MSL2: variants seen among roughly 807,000 people sequenced by gnomAD.
MSL2 encodes MSL complex subunit 2.
MSL2 carries 2 observed loss-of-function variants against 35.8 expected under a neutral mutation model. That is an observed-to-expected ratio of 0.06 (90% CI 0.02 to 0.18). MSL2 has a LOEUF of 0.18. MSL2 is among the 10% of genes least tolerant of loss of function. MSL2 has a pLI of 1.00. For missense variants in MSL2, 523 were observed against 706.7 expected (o/e 0.74, Z 2.95); for synonymous variants, 296 against 255.7 (o/e 1.16, Z -1.50).
chr3:136,175,894 G>A (rs1400854951), intron 1 of MSL2, among the ~76,000 whole-genome samples: 1 of 98,982 alleles, frequency 1.0e-5, no homozygotes, highest in African/African-American at 3.1e-5. Flanking sequence ...TGCTAAGCCT[G>A]CCACTGTGCT....
chr3:136,181,675 T>C lies in MSL2; in HGVS notation c.142+13297A>G, dbSNP rs554586068. Among the ~76,000 whole-genome samples the C allele has an allele frequency of 3.3e-5, 5 of 152,204 alleles. No homozygotes were observed. The East Asian group carries it at 9.7e-4, about 29-fold the overall frequency. On this transcript the variant is annotated intron_variant, in intron 1 of 1. Transcript: ENST00000309993. ...GGTTCACACCTGTAATCTGAGCACTTTGGGAGGCTGAGGCAGGTGGATCAC... is the reference window on the plus strand; with the variant it reads ...GGTTCACACCTGTAATCTGAGCACTCTGGGAGGCTGAGGCAGGTGGATCAC...
At chr3:136,186,830 C>T (rs932095802) in intron 1 of MSL2, among the ~76,000 whole-genome samples, 4 of 152,046 alleles carry the variant, frequency 2.6e-5, no homozygotes, top group African/African-American at 9.7e-5. Context: ...TGAAACCATC[C>T]CCTGACCCTG....
Position 136,149,990 on chromosome 3 carries a change from G to A in MSL2, c.*1157C>T, listed in dbSNP as rs1315203299. 2 of 152,596 alleles carry A rather than the reference G, an allele frequency of 1.3e-5. No homozygotes were observed. Among genetic ancestry groups the A allele is most frequent in the Non-Finnish European group, 2.9e-5 (2 of 68,040 alleles). 9.5% of individuals were successfully genotyped at this position (152,596 alleles called of 1,614,324 possible). On this transcript the variant is annotated 3_prime_UTR_variant, in exon 2 of 2. Coordinates refer to ENST00000309993, the MANE Select transcript of MSL2 (RefSeq NM_018133.4). ...TGACTAGATTTCCCTTCAACAGAAT[G>A]TTTGTGACTCACTTGTCTTCCCCAT...
intron 1 of MSL2, among the ~76,000 whole-genome samples, chr3:136,167,990 T>C (rs1210709638): frequency 1.3e-5 from 2 of 152,060 alleles, no homozygotes; most frequent in African/African-American, 4.8e-5. Flanking sequence ...AGTACCTCAA[T>C]AAAATATGCT....
chr3:136,184,763 G>GGA (rs1940468493), intron 1 of MSL2, among the ~76,000 whole-genome samples: 4 of 81,210 alleles, frequency 4.9e-5, no homozygotes, highest in African/African-American at 1.0e-4. Flanking sequence ...GGGGGGGGGG[G>GGA]ACAAAGGTCA....
chr3:136,166,801 C>T (rs1420095711), intron 1 of MSL2, among the ~76,000 whole-genome samples: 3 of 152,218 alleles, frequency 2.0e-5, no homozygotes, highest in African/African-American at 7.2e-5. Context: ...TATCAGTACT[C>T]TTGGAAAACT....
intron 1 of MSL2, among the ~76,000 whole-genome samples, chr3:136,164,051 C>A (rs1040331076): frequency 6.6e-6 from 1 of 152,166 alleles, no homozygotes; most frequent in Non-Finnish European, 1.5e-5. Flanking sequence ...TGAAGCACAT[C>A]TAAAATGTTC....
At chr3:136,155,402 G>C (rs1041272893) in intron 1 of MSL2, 2 of 157,690 alleles carry the variant, frequency 1.3e-5, no homozygotes, top group African/African-American at 4.8e-5. Flanking sequence ...TACTTGGGAG[G>C]CTGAGGCAAA....
intron 1 of MSL2, among the ~76,000 whole-genome samples, chr3:136,183,516 G>C (rs961477453): frequency 6.6e-6 from 1 of 152,042 alleles, no homozygotes; most frequent in African/African-American, 2.4e-5. Context: ...CTGCCTCCTG[G>C]GCTCAAGCAA....
At position 136,170,069 on chromosome 3, in the gene MSL2, C is replaced by T. The variant is rs541598518; in HGVS notation, c.143-17331G>A. 1.1e-4 allele frequency among the ~76,000 whole-genome samples: 16 copies of T among 142,308 alleles called. No homozygotes were observed. The East Asian group carries it at 1.3e-3, about 12-fold the overall frequency. The allele number at this position is 142,308 out of a possible 152,430, so 93.4% of individuals were successfully genotyped here. On this transcript the variant is annotated intron_variant, in intron 1 of 1. Transcript: ENST00000309993. The stretch of plus-strand genomic sequence containing the variant: ...ATTAAAAAAAAAAAAATCAGCGGGG[C>T]GGTGGCTCATGTCTATAATCCCAGC...
At chr3:136,190,957 T>G (rs945654771) in intron 1 of MSL2, among the ~76,000 whole-genome samples, 1 of 152,066 alleles carries the variant, frequency 6.6e-6, no homozygotes, top group African/African-American at 2.4e-5. Flanking sequence ...ACAAAGCAAT[T>G]GAAAAACAAG....
rs1939273056 is a variant in MSL2, at chr3:136,149,368, A to AT, written c.*1778dup. ...CAAACGTTAGGTAAATACACGTTTC[A>AT]TAAGACACTGCTAACACTTAAAGGA... On this transcript the variant is annotated 3_prime_UTR_variant, in exon 2 of 2. Coordinates refer to ENST00000309993, the MANE Select transcript of MSL2 (RefSeq NM_018133.4). The AT allele has an allele frequency of 6.6e-6, 1 of 152,582 alleles. No individual in the cohort carries two copies. Among genetic ancestry groups the AT allele is most frequent in the East Asian group, 1.9e-4 (1 of 5,202 alleles). The allele number at this position is 152,582 out of a possible 1,614,324, so 9.5% of individuals were successfully genotyped here. A position where few individuals can be genotyped will look rare whatever the true frequency, so the allele number is the denominator to read the frequency against.
intron 1 of MSL2, among the ~76,000 whole-genome samples, chr3:136,154,829 G>A (rs1413755761): frequency 7.1e-6 from 1 of 139,912 alleles, no homozygotes; most frequent in Non-Finnish European, 1.5e-5. Context: ...AGGCAGAGGT[G>A]GACACTCATT....
chr3:136,172,874 A>C (rs934177070), intron 1 of MSL2, among the ~76,000 whole-genome samples: 3 of 152,076 alleles, frequency 2.0e-5, no homozygotes, highest in Non-Finnish European at 4.4e-5. Flanking sequence ...TTTAAAACTG[A>C]CCTACGGGGC....
At position 136,175,836 on chromosome 3, in the gene MSL2, A is replaced by G. The variant is rs538192402; in HGVS notation, c.142+19136T>C. ...TGAATAAAACATTTCTCCTTCCTCC[A>G]TTACATATGTAAATAATTCCTGGGA... On this transcript the variant is annotated intron_variant, in intron 1 of 1. Coordinates refer to ENST00000309993, the MANE Select transcript of MSL2 (RefSeq NM_018133.4). Among the ~76,000 whole-genome samples the G allele has an allele frequency of 8.5e-5, 13 of 152,278 alleles. No individual in the cohort carries two copies. In the East Asian group the frequency reaches 1.5e-3, roughly 18 times the overall value.
intron 1 of MSL2, among the ~76,000 whole-genome samples, chr3:136,184,066 CG>C (rs1940441486): frequency 6.6e-6 from 1 of 152,042 alleles, no homozygotes; most frequent in Non-Finnish European, 1.5e-5. Flanking sequence ...GAGGCAAAGG[CG>C]GGCGGATCAC....
intron 1 of MSL2, chr3:136,155,475 TC>T: frequency 5.6e-6 from 1 of 177,588 alleles, no homozygotes; most frequent in South Asian, 1.2e-4. Flanking sequence ...TTCATTGCAC[TC>T]CAAGCCTGGG....
intron 1 of MSL2, among the ~76,000 whole-genome samples, chr3:136,190,801 C>T (rs1940665129): frequency 1.3e-5 from 2 of 152,196 alleles, no homozygotes; most frequent in Non-Finnish European, 2.9e-5. Context: ...GCAAGTCCAA[C>T]ATTTAGAACA....
chr3:136,181,368 A>G (rs928833371), intron 1 of MSL2, among the ~76,000 whole-genome samples: 1 of 152,178 alleles, frequency 6.6e-6, no homozygotes, highest in African/African-American at 2.4e-5. Context: ...TGACAGAAGG[A>G]TTAAGCTGAA....
Sources: allele counts gnomAD v4.1 joint callset (sites outside exome capture counted in the v4.1 genomes callset), GRCh38; gene constraint gnomAD v4.1.1; transcripts MANE v1.5; gene names NCBI Gene and HGNC (gene_info 2026-07-23, HGNC 2026-07-21).